Variants in KLHL26 observed in about 807,000 individuals in gnomAD.
KLHL26 encodes kelch-like protein 26.
Under a neutral mutation model 7.1 loss-of-function variants are expected in KLHL26, and 4 were observed. That is an observed-to-expected ratio of 0.56 (90% CI 0.28 to 1.28). The LOEUF (loss-of-function observed/expected upper bound fraction) is 1.28. KLHL26 is among the 50% of genes most tolerant of loss of function. The probability of loss-of-function intolerance (pLI) is 0.11; values close to 1 mark genes in which losing one functional copy is unlikely to be tolerated. For synonymous variants in KLHL26, 465 were observed against 414.1 expected, an observed-to-expected ratio of 1.12 and a Z score of -1.49; for missense variants, 896 against 924.6, an observed-to-expected ratio of 0.97 and a Z score of 0.40.
intron 1 of KLHL26, among the ~76,000 whole-genome samples, chr19:18,643,650 G>T (rs1369547286): frequency 1.3e-5 from 2 of 151,670 alleles, no homozygotes; most frequent in South Asian, 2.1e-4. Flanking sequence ...GGCTAATTTT[G>T]TATTTTTAGT....
chr19:18,669,146 G>T lies in KLHL26; in HGVS notation c.1749G>T (p.Thr583=), dbSNP rs368665940. The T allele has an allele frequency of 5.0e-6, 8 of 1,612,886 alleles. No individual in the cohort carries two copies. The highest frequency in any genetic ancestry group is 6.8e-6 in the Non-Finnish European group (8 of 1,179,958). The change falls in exon 3 of 3, where the codon ACG becomes ACT. Residue 583 remains threonine (T), a synonymous_variant. Coordinates refer to ENST00000300976, the MANE Select transcript of KLHL26 (RefSeq NM_018316.3). ...NVTGIVQVYN[T]DTDEWERDLH... is the part of the protein sequence containing the mutation. ...CGGGCATCGTACAGGTGTACAACAC[G>T]GACACCGACGAGTGGGAGCGGGACC...
chr19:18,667,230 TC>T (rs1194130618), intron 2 of KLHL26, among the ~76,000 whole-genome samples: 2 of 152,148 alleles, frequency 1.3e-5, no homozygotes, highest in African/African-American at 4.8e-5. Context: ...TGATCTCGGC[TC>T]ACTGCAACCT....
intron 1 of KLHL26, among the ~76,000 whole-genome samples, chr19:18,642,336 C>G (rs1321451475): frequency 3.8e-5 from 3 of 78,014 alleles, no homozygotes; most frequent in Non-Finnish European, 7.3e-5. Context: ...TGCTAGTCAC[C>G]TAGTGTGTGT....
chr19:18,668,059 G>T lies in KLHL26; in HGVS notation c.662G>T (p.Cys221Phe), dbSNP rs138519703. 8 of 1,607,428 alleles carry T rather than the reference G, an allele frequency of 5.0e-6. No homozygotes were observed. Among genetic ancestry groups the T allele is most frequent in the Non-Finnish European group, 6.8e-6 (8 of 1,179,946 alleles). Residue 221 changes from cysteine to phenylalanine, a missense_variant, in exon 3 of 3, where the codon TGT becomes TTT. Coordinates refer to ENST00000300976, the MANE Select transcript of KLHL26 (RefSeq NM_018316.3). Reference protein sequence around the residue: ...FFLQSNRLQSCAEIDLFRAAV... With the variant: ...FFLQSNRLQSFAEIDLFRAAV... ...CTGCAGAGCAACCGGCTGCAGAGCT[G>T]TGCCGAGATCGACCTGTTCCGCGCG...
rs1976872696 is a variant in KLHL26, at chr19:18,649,861, CT to C, written c.83+12725del. Among the ~76,000 whole-genome samples, 1 of 152,270 alleles carries C rather than the reference CT, an allele frequency of 6.6e-6. No individual in the cohort carries two copies. The highest frequency in any genetic ancestry group is 2.4e-5 in the African/African-American group (1 of 41,482). Reference sequence around the variant, plus strand: ...CCAGCAATTCCCTAGCATTCCTCCTCTGCAGAGTGGATTTTGGTGCATGTCC... The same window carrying C: ...CCAGCAATTCCCTAGCATTCCTCCTCGCAGAGTGGATTTTGGTGCATGTCC... On this transcript the variant is annotated intron_variant, in intron 1 of 2. Coordinates refer to ENST00000300976, the MANE Select transcript of KLHL26 (RefSeq NM_018316.3). The surrounding 1 kb of genome is among the most constrained non-coding windows in gnomAD (Gnocchi z 4.0).
At chr19:18,660,322 CGT>C (rs1191393427) in intron 1 of KLHL26, among the ~76,000 whole-genome samples, 3 of 152,212 alleles carry the variant, frequency 2.0e-5, no homozygotes, top group Admixed American at 1.3e-4. Flanking sequence ...GTAGCGGGGG[CGT>C]GTGGCCACTC....
In KLHL26 at chr19:18,649,820, G is replaced by C. The variant is rs574287043; in HGVS notation, c.83+12683G>C. Among the ~76,000 whole-genome samples the C allele has an allele frequency of 1.3e-5, 2 of 152,038 alleles. No homozygotes were observed. The highest frequency in any genetic ancestry group is 2.9e-5 in the Non-Finnish European group (2 of 68,028). ...GGGCCGCACAGAATTCACAGGACTCGTCTCCAACGGCTGCGCCAGCAATTC... is the reference window on the plus strand; with the variant it reads ...GGGCCGCACAGAATTCACAGGACTCCTCTCCAACGGCTGCGCCAGCAATTC... On this transcript the variant is annotated intron_variant, in intron 1 of 2. Transcript: ENST00000300976. This position sits in a 1 kb window ranked among gnomAD's most constrained non-coding sequence, Gnocchi z 4.0.
intron 1 of KLHL26, among the ~76,000 whole-genome samples, chr19:18,651,741 C>T (rs541444171): frequency 2.0e-5 from 3 of 152,344 alleles, no homozygotes; most frequent in South Asian, 2.1e-4. Context: ...GTTACCACCC[C>T]GACATGCTAG....
intron 1 of KLHL26, among the ~76,000 whole-genome samples, chr19:18,639,403 GTTTTTTTTTTTTT>G (rs34034254): frequency 1.4e-5 from 1 of 71,188 alleles, no homozygotes; most frequent in Non-Finnish European, 2.6e-5. Context: ...TTATCATTAA[GTTTTTTTTTTTTT>G]TTTTTTTTTT....
chr19:18,667,446 C>T (rs543886795), intron 2 of KLHL26: 9 of 681,812 alleles, frequency 1.3e-5, no homozygotes, highest in African/African-American at 9.1e-5. Flanking sequence ...TCTCATGATC[C>T]ACCCGCCTGG....
rs892524748 is a variant in KLHL26, at chr19:18,664,478, C to T, written c.266+35C>T. On this transcript the variant is annotated intron_variant, in intron 2 of 2. Transcript: ENST00000300976. ...GGCCCCAGGCAGCTGGAAGGGGCGG[C>T]TGCCTGTTGGGACAGGGACAGGGCA... 2.6e-6 allele frequency: 4 copies of T among 1,515,912 alleles called. No homozygotes were observed. The African/African-American group carries it at 4.1e-5, about 16-fold the overall frequency. 93.9% of individuals were successfully genotyped at this position (1,515,912 alleles called of 1,614,324 possible). A position where few individuals can be genotyped will look rare whatever the true frequency, so the allele number is the denominator to read the frequency against.
intron 2 of KLHL26, among the ~76,000 whole-genome samples, chr19:18,665,292 A>G (rs2052436490): frequency 6.6e-6 from 1 of 151,298 alleles, no homozygotes; most frequent in Non-Finnish European, 1.5e-5. Context: ...TCCTGACCTC[A>G]TGAGCCACCT....
intron 1 of KLHL26, among the ~76,000 whole-genome samples, chr19:18,654,914 C>T (rs758954835): frequency 6.6e-6 from 1 of 152,260 alleles, no homozygotes; most frequent in African/African-American, 2.4e-5. Context: ...CATGACTGAG[C>T]TCCAACCATA....
At chr19:18,654,219 C>T (rs891165929) in intron 1 of KLHL26, among the ~76,000 whole-genome samples, 1 of 132,372 alleles carries the variant, frequency 7.6e-6, no homozygotes, top group South Asian at 2.7e-4. Context: ...GTCACCCATC[C>T]ATCTGCCCTT....
At chr19:18,641,231 G>T (rs1435097680) in intron 1 of KLHL26, among the ~76,000 whole-genome samples, 1 of 151,694 alleles carries the variant, frequency 6.6e-6, no homozygotes, top group African/African-American at 2.4e-5. Flanking sequence ...AATGATGTTG[G>T]ACAGTTTTTC....
rs547211387 is a variant in KLHL26 at position 18,654,706 on chromosome 19, C to T, written c.84-9555C>T. ...CTACCCACCCATCTATCCACCCATC[C>T]ATCCACTCATCCATTCACCCCTCCC... On this transcript the variant is annotated intron_variant, in intron 1 of 2. Coordinates refer to ENST00000300976, the MANE Select transcript of KLHL26 (RefSeq NM_018316.3). Among the ~76,000 whole-genome samples, 3 of 152,036 alleles carry T rather than the reference C, an allele frequency of 2.0e-5. No homozygotes were observed. The South Asian group carries it at 6.2e-4, about 32-fold the overall frequency.
chr19:18,667,105 A>T (rs545289610), intron 2 of KLHL26, among the ~76,000 whole-genome samples: 6 of 151,708 alleles, frequency 4.0e-5, no homozygotes, highest in Admixed American at 2.6e-4. Context: ...GGGAGTTGCT[A>T]TTTATAGGAA....
At chr19:18,640,690 C>T (rs937746302) in intron 1 of KLHL26, among the ~76,000 whole-genome samples, 3 of 151,148 alleles carry the variant, frequency 2.0e-5, no homozygotes, top group Non-Finnish European at 4.4e-5. Flanking sequence ...AAGGATGCGC[C>T]ACCACACTCA....
chr19:18,641,637 T>C (rs1976714091), intron 1 of KLHL26, among the ~76,000 whole-genome samples: 1 of 149,016 alleles, frequency 6.7e-6, no homozygotes, highest in Admixed American at 6.7e-5. Flanking sequence ...TTTTTCTTTT[T>C]TTTTTTTTTG....
Sources: allele counts gnomAD v4.1 joint callset (sites outside exome capture counted in the v4.1 genomes callset), GRCh38; gene constraint gnomAD v4.1.1; non-coding constraint Gnocchi (gnomAD v3.1); transcripts MANE v1.5; gene names NCBI Gene and HGNC (gene_info 2026-07-23, HGNC 2026-07-21).